Variants in LDB2 observed in about 807,000 individuals in gnomAD.
LDB2 encodes LIM domain binding 2, also known as LIM domain-binding protein 2.
Under a neutral mutation model 44.3 loss-of-function variants are expected in LDB2, and 12 were observed. The ratio of observed to expected loss-of-function variants is 0.27; its 90% CI spans 0.17 to 0.44. The LOEUF (loss-of-function observed/expected upper bound fraction) is 0.44. Ranked by LOEUF, LDB2 falls within the 20% of genes least tolerant of loss-of-function variation. LDB2 has a pLI of 1.00. For synonymous variants in LDB2, 164 were observed against 174.8 expected, an observed-to-expected ratio of 0.94 and a Z score of 0.49; for missense variants, 344 against 473.5, an observed-to-expected ratio of 0.73 and a Z score of 2.54.
At chr4:16,726,167 T>C (rs1759413766) in intron 2 of LDB2, among the ~76,000 whole-genome samples, 2 of 152,132 alleles carry the variant, frequency 1.3e-5, no homozygotes, top group Non-Finnish European at 2.9e-5. Context: ...ATCTATTTAC[T>C]CAATTGCCAC....
intron 2 of LDB2, among the ~76,000 whole-genome samples, chr4:16,727,553 C>T (rs1011720218): frequency 6.6e-6 from 1 of 152,126 alleles, no homozygotes; most frequent in Non-Finnish European, 1.5e-5. Context: ...TATTTCTTAC[C>T]TGGCTTTTCC....
chr4:16,703,448 G>A (rs1301528179), intron 2 of LDB2, among the ~76,000 whole-genome samples: 3 of 152,200 alleles, frequency 2.0e-5, no homozygotes, highest in Admixed American at 1.3e-4. Context: ...TAAGGTCATT[G>A]TCATGGCCAG....
At chr4:16,798,301 G>C (rs1331182589) in intron 1 of LDB2, among the ~76,000 whole-genome samples, 1 of 152,118 alleles carries the variant, frequency 6.6e-6, no homozygotes, top group Non-Finnish European at 1.5e-5. Flanking sequence ...AGGGAAAGAA[G>C]TGAGTTCAAG....
intron 1 of LDB2, among the ~76,000 whole-genome samples, chr4:16,770,570 C>T (rs972071999): frequency 2.0e-5 from 3 of 152,060 alleles, no homozygotes; most frequent in Non-Finnish European, 4.4e-5. Context: ...AGGCCCCAAG[C>T]GGTTAAGAAA....
chr4:16,632,062 G>C (rs888270197), intron 2 of LDB2, among the ~76,000 whole-genome samples: 2 of 152,206 alleles, frequency 1.3e-5, no homozygotes, highest in Non-Finnish European at 2.9e-5. Flanking sequence ...TAGAAAAAGA[G>C]GGAATCCTCC....
intron 1 of LDB2, chr4:16,826,702 CTCTT>C (rs1021004087): frequency 4.6e-5 from 7 of 152,046 alleles, no homozygotes; most frequent in African/African-American, 1.7e-4. Flanking sequence ...AGGGAAAATC[CTCTT>C]TCTAAGCCCA....
intron 2 of LDB2, among the ~76,000 whole-genome samples, chr4:16,756,425 C>A (rs539701298): frequency 6.6e-6 from 1 of 152,024 alleles, no homozygotes; most frequent in South Asian, 2.1e-4. Context: ...TGCACCCCAG[C>A]CTGGGTGACA....
intron 1 of LDB2, among the ~76,000 whole-genome samples, chr4:16,887,028 G>A (rs1486282457): frequency 7.0e-5 from 5 of 70,930 alleles, no homozygotes; most frequent in Admixed American, 2.4e-4. Flanking sequence ...GCGAAACTCC[G>A]TCTCAAAAAA....
chr4:16,690,513 G>A (rs1750452071), intron 2 of LDB2, among the ~76,000 whole-genome samples: 1 of 21,258 alleles, frequency 4.7e-5, no homozygotes, highest in African/African-American at 1.3e-4. Context: ...GAGGGAGGGA[G>A]GGAGGGGGGA....
chr4:16,752,515 A>C (rs988172415), intron 2 of LDB2: 6 of 415,872 alleles, frequency 1.4e-5, no homozygotes, highest in Non-Finnish European at 2.8e-5. Context: ...AGTTCTTCCC[A>C]CTATGTGCCA....
At chr4:16,621,662 C>T (rs1728918091) in intron 2 of LDB2, among the ~76,000 whole-genome samples, 1 of 152,158 alleles carries the variant, frequency 6.6e-6, no homozygotes, top group South Asian at 2.1e-4. Context: ...AAACAATCCT[C>T]CCATCTCAGC....
chr4:16,537,561 G>A (rs2152316369), intron 5 of LDB2, among the ~76,000 whole-genome samples: 1 of 152,352 alleles, frequency 6.6e-6, no homozygotes, highest in East Asian at 1.9e-4. Context: ...CACGATGTCT[G>A]AAGTCAATGC....
chr4:16,629,062 G>A (rs573152102), intron 2 of LDB2, among the ~76,000 whole-genome samples: 38 of 152,284 alleles, frequency 2.5e-4, no homozygotes, highest in African/African-American at 7.2e-4. Flanking sequence ...AGGGGCATCC[G>A]CCATTGCTGA....
chr4:16,564,214 G>A (rs1402410456), intron 5 of LDB2, among the ~76,000 whole-genome samples: 1 of 152,074 alleles, frequency 6.6e-6, no homozygotes, highest in African/African-American at 2.4e-5. Flanking sequence ...AAACAGGCTG[G>A]GCGCTGTGGC....
rs560622384 is a variant in LDB2, at chr4:16,598,899, G to A, written c.236-3024C>T. 1.4e-4 allele frequency among the ~76,000 whole-genome samples: 20 copies of A among 143,814 alleles called. 2 individuals are homozygous for A. The South Asian group carries it at 4.5e-3, about 32-fold the overall frequency. 94.3% of individuals were successfully genotyped at this position (143,814 alleles called of 152,430 possible). On this transcript the variant is annotated intron_variant, in intron 2 of 7. Coordinates refer to ENST00000304523, the MANE Select transcript of LDB2 (RefSeq NM_001290.5). ...TTTCTTTTTTTTTTTTTTTTAAATT[G>A]GCTCAAGCTAGTTCGTGTTAGATTT...
chr4:16,600,733 T>C (rs1394314048), intron 2 of LDB2, among the ~76,000 whole-genome samples: 1 of 152,154 alleles, frequency 6.6e-6, no homozygotes, highest in Admixed American at 6.6e-5. Flanking sequence ...ATTCTTGCTA[T>C]GGAAGTTGAT....
At chr4:16,707,438 G>C (rs1262299787) in intron 2 of LDB2, among the ~76,000 whole-genome samples, 1 of 152,096 alleles carries the variant, frequency 6.6e-6, no homozygotes, top group Non-Finnish European at 1.5e-5. Flanking sequence ...ATAAATCCTG[G>C]AATTTAATCA....
chr4:16,522,657 G>T (rs1462330003), intron 5 of LDB2, among the ~76,000 whole-genome samples: 1 of 152,146 alleles, frequency 6.6e-6, no homozygotes, highest in African/African-American at 2.4e-5. Context: ...AGAGAGAAAT[G>T]TAAATATACA....
At chr4:16,725,619 C>A (rs1001365329) in intron 2 of LDB2, among the ~76,000 whole-genome samples, 15 of 152,208 alleles carry the variant, frequency 9.9e-5, no homozygotes, top group African/African-American at 3.1e-4. Flanking sequence ...ATGCCAAATA[C>A]GTACCACTAA....
Sources: allele counts gnomAD v4.1 joint callset (sites outside exome capture counted in the v4.1 genomes callset), GRCh38; gene constraint gnomAD v4.1.1; transcripts MANE v1.5; gene names NCBI Gene and HGNC (gene_info 2026-07-23, HGNC 2026-07-21).